The following KHDRBS3 variants were observed in gnomAD, a reference collection of about 807,000 sequenced individuals.
The protein encoded by KHDRBS3 is KH RNA binding domain containing, signal transduction associated 3.
Under a neutral mutation model 45.6 loss-of-function variants are expected in KHDRBS3, and 23 were observed. The ratio of observed to expected loss-of-function variants is 0.50; its 90% CI spans 0.36 to 0.72. KHDRBS3 has a LOEUF of 0.72. Ranked by LOEUF, KHDRBS3 falls within the 30% of genes least tolerant of loss-of-function variation. The pLI, the probability that KHDRBS3 is intolerant of heterozygous loss-of-function variation, is 0.00. For synonymous variants in KHDRBS3, 162 were observed against 156.5 expected, an observed-to-expected ratio of 1.04 and a Z score of -0.26; for missense variants, 352 against 424.8, an observed-to-expected ratio of 0.83 and a Z score of 1.51.
chr8:135,462,698 G>A lies in KHDRBS3; in HGVS notation c.88+4744G>A, dbSNP rs528175202. 2.0e-5 allele frequency among the ~76,000 whole-genome samples: 3 copies of A among 152,276 alleles called. No individual in the cohort carries two copies. The East Asian group carries it at 5.8e-4, about 29-fold the overall frequency. ...AGGTTATTAGCCTAGTTTTTCAGTT[G>A]TAGAAACCAAGATTCTGACAGCTAA... is the stretch of plus-strand genomic sequence containing the variant. On this transcript the variant is annotated intron_variant, in intron 1 of 8. Coordinates refer to ENST00000355849, the MANE Select transcript of KHDRBS3 (RefSeq NM_006558.3).
intron 5 of KHDRBS3, among the ~76,000 whole-genome samples, chr8:135,562,777 T>C (rs766267615): frequency 3.3e-5 from 5 of 152,146 alleles, no homozygotes; most frequent in Non-Finnish European, 5.9e-5. Context: ...ATGAGGGAAA[T>C]ATGGCTACAG....
intron 7 of KHDRBS3, among the ~76,000 whole-genome samples, chr8:135,616,977 T>TA (rs151162553): frequency 4.6e-5 from 7 of 152,114 alleles, no homozygotes; most frequent in African/African-American, 1.4e-4. Context: ...TTATTGTTAG[T>TA]AAAAAAAGAC....
intron 6 of KHDRBS3, among the ~76,000 whole-genome samples, chr8:135,603,956 T>G (rs936077737): frequency 6.6e-6 from 1 of 151,072 alleles, no homozygotes; most frequent in Non-Finnish European, 1.5e-5. Context: ...TTTTTTTTTC[T>G]TTTTTGACCT....
At chr8:135,508,021 C>G (rs1441154838) in intron 1 of KHDRBS3, among the ~76,000 whole-genome samples, 1 of 152,082 alleles carries the variant, frequency 6.6e-6, no homozygotes, top group Non-Finnish European at 1.5e-5. Context: ...AAAAGTGACC[C>G]CCTTTAATAT....
intron 6 of KHDRBS3, among the ~76,000 whole-genome samples, chr8:135,600,880 T>C (rs780456649): frequency 6.6e-6 from 1 of 152,144 alleles, no homozygotes; most frequent in Non-Finnish European, 1.5e-5. Context: ...TGTATTTTTT[T>C]AGTAGAGACC....
At chr8:135,621,135 A>T (rs1450683757) in intron 7 of KHDRBS3, among the ~76,000 whole-genome samples, 3 of 106,820 alleles carry the variant, frequency 2.8e-5, no homozygotes, top group African/African-American at 1.0e-4. Flanking sequence ...CTTAAAAAAA[A>T]GGGGGGGAGG....
At chr8:135,475,902 C>A (rs1023482065) in intron 1 of KHDRBS3, among the ~76,000 whole-genome samples, 2 of 152,094 alleles carry the variant, frequency 1.3e-5, no homozygotes, top group Non-Finnish European at 2.9e-5. Context: ...CTTTGGACTT[C>A]ATCAGTCTGA....
At chr8:135,567,756 C>T (rs1827499699) in intron 5 of KHDRBS3, among the ~76,000 whole-genome samples, 1 of 152,222 alleles carries the variant, frequency 6.6e-6, no homozygotes, top group South Asian at 2.1e-4. Flanking sequence ...ATTATATATT[C>T]CATGTGGCCT....
intron 1 of KHDRBS3, among the ~76,000 whole-genome samples, chr8:135,468,872 G>A (rs113932929): frequency 1.3e-4 from 20 of 152,298 alleles, no homozygotes; most frequent in Middle Eastern, 3.4e-3. Context: ...TCAGGTCCTT[G>A]TTTAAAGATG....
intron 2 of KHDRBS3, 53 bp downstream of exon 2, chr8:135,521,408 C>A: frequency 1.0e-6 from 1 of 953,882 alleles, no homozygotes; most frequent in Non-Finnish European, 1.7e-6. Context: ...CAAAGGGGAG[C>A]AGATGTTTAA....
intron 4 of KHDRBS3, among the ~76,000 whole-genome samples, chr8:135,552,889 CTG>C (rs1418070993): frequency 6.6e-6 from 1 of 152,110 alleles, no homozygotes; most frequent in Non-Finnish European, 1.5e-5. Context: ...GATGATGGAG[CTG>C]TGTGTGTACA....
chr8:135,522,874 A>G (rs1824989267), intron 2 of KHDRBS3, among the ~76,000 whole-genome samples: 1 of 151,990 alleles, frequency 6.6e-6, no homozygotes. Flanking sequence ...CTTTTTTCCC[A>G]TATGGTTATC....
At chr8:135,551,286 C>T (rs1475155040) in intron 4 of KHDRBS3, among the ~76,000 whole-genome samples, 7 of 151,862 alleles carry the variant, frequency 4.6e-5, no homozygotes, top group Middle Eastern at 3.2e-3. Flanking sequence ...CACTCCATTC[C>T]GTTCCTTATG....
chr8:135,466,133 G>A (rs1279906050), intron 1 of KHDRBS3, among the ~76,000 whole-genome samples: 3 of 152,098 alleles, frequency 2.0e-5, no homozygotes, highest in African/African-American at 7.2e-5. Flanking sequence ...AACGTGCATT[G>A]CTTTTGATTT....
chr8:135,646,035 A>C (rs1831274961), intron 8 of KHDRBS3, among the ~76,000 whole-genome samples: 1 of 137,402 alleles, frequency 7.3e-6, no homozygotes, highest in Non-Finnish European at 1.5e-5. Context: ...TATCCGTAAC[A>C]AACACTTAAG....
intron 1 of KHDRBS3, among the ~76,000 whole-genome samples, chr8:135,512,439 G>GGGGGGGA (rs1824346878): frequency 8.9e-6 from 1 of 111,958 alleles, no homozygotes; most frequent in Non-Finnish European, 1.8e-5. Flanking sequence ...CGGGGGGGGG[G>GGGGGGGA]TAATAACTCT....
intron 7 of KHDRBS3, among the ~76,000 whole-genome samples, chr8:135,612,794 C>T (rs1291440234): frequency 1.3e-5 from 2 of 151,766 alleles, no homozygotes; most frequent in African/African-American, 2.4e-5. Context: ...AGCCACTAGA[C>T]ATGGAGCTGT....
At chr8:135,621,157 C>T (rs1428301966) in intron 7 of KHDRBS3, among the ~76,000 whole-genome samples, 1 of 151,396 alleles carries the variant, frequency 6.6e-6, no homozygotes, top group Non-Finnish European at 1.5e-5. Context: ...TGGGAGGGTG[C>T]CAAGAAAATC....
intron 7 of KHDRBS3, among the ~76,000 whole-genome samples, chr8:135,626,720 C>A (rs1474530340): frequency 6.8e-6 from 1 of 146,288 alleles, no homozygotes; most frequent in Non-Finnish European, 1.5e-5. Context: ...AGGAGAATGG[C>A]GTGAACCCGG....
Sources: allele counts gnomAD v4.1 joint callset (sites outside exome capture counted in the v4.1 genomes callset), GRCh38; gene constraint gnomAD v4.1.1; transcripts MANE v1.5; gene names NCBI Gene and HGNC (gene_info 2026-07-23, HGNC 2026-07-21).